HS3ST4: variants seen among roughly 807,000 people sequenced by gnomAD.
HS3ST4 encodes the protein heparan sulfate glucosamine 3-O-sulfotransferase 4.
HS3ST4 carries 17 observed loss-of-function variants against 29.2 expected under a neutral mutation model. The ratio of observed to expected loss-of-function variants is 0.58; its 90% CI spans 0.40 to 0.87. The LOEUF (loss-of-function observed/expected upper bound fraction) is 0.87. Among genes scored for constraint, HS3ST4 ranks in the 40% least tolerant of loss-of-function variants. The pLI, the probability that HS3ST4 is intolerant of heterozygous loss-of-function variation, is 0.00. For missense variants in HS3ST4, 627 were observed against 634.5 expected, an observed-to-expected ratio of 0.99 and a Z score of 0.13; for synonymous variants, 314 against 285.7, an observed-to-expected ratio of 1.10 and a Z score of -1.00.
chr16:25,873,324 TTCCTTCCTTCCTTTC>T (rs1967778974), intron 1 of HS3ST4, among the ~76,000 whole-genome samples: 1 of 50,408 alleles, frequency 2.0e-5, no homozygotes. Flanking sequence ...CCATCCATCC[TTCCTTCCTTCCTTTC>T]ATCCATCTAT....
At chr16:25,862,630 G>A (rs1052732606) in intron 1 of HS3ST4, among the ~76,000 whole-genome samples, 2 of 152,208 alleles carry the variant, frequency 1.3e-5, no homozygotes, top group African/African-American at 4.8e-5. Context: ...TGGCCTGAGG[G>A]TTGGGAACCC....
chr16:25,908,184 G>C (rs1239646591), intron 1 of HS3ST4, among the ~76,000 whole-genome samples: 1 of 152,164 alleles, frequency 6.6e-6, no homozygotes, highest in African/African-American at 2.4e-5. Context: ...GGTCTGCTTG[G>C]CCCTAACGAC....
intron 1 of HS3ST4, among the ~76,000 whole-genome samples, chr16:25,716,664 T>C (rs1297558658): frequency 2.6e-5 from 4 of 152,248 alleles, no homozygotes; most frequent in Non-Finnish European, 5.9e-5. Context: ...ATCTGCCTTC[T>C]CTGTTCCAGG....
intron 1 of HS3ST4, among the ~76,000 whole-genome samples, chr16:25,794,464 T>G (rs1484961919): frequency 6.7e-6 from 1 of 150,344 alleles, no homozygotes; most frequent in African/African-American, 2.4e-5. Context: ...ATGTCCTTAT[T>G]TTTTTTTTTC....
chr16:26,040,601 G>A (rs1211930571), intron 1 of HS3ST4, among the ~76,000 whole-genome samples: 2 of 151,894 alleles, frequency 1.3e-5, no homozygotes, highest in South Asian at 2.1e-4. Flanking sequence ...CACCGCATTC[G>A]GCCTGCTGTC....
intron 1 of HS3ST4, among the ~76,000 whole-genome samples, chr16:25,740,105 T>C (rs1189696977): frequency 6.6e-6 from 1 of 152,188 alleles, no homozygotes; most frequent in African/African-American, 2.4e-5. Flanking sequence ...GATCGTCATC[T>C]GCATCCAGGA....
At chr16:25,907,219 A>G (rs528734810) in intron 1 of HS3ST4, among the ~76,000 whole-genome samples, 1 of 152,200 alleles carries the variant, frequency 6.6e-6, no homozygotes, top group East Asian at 1.9e-4. Context: ...TTAAAATAAA[A>G]AAAGATACTT....
chr16:25,756,475 T>G (rs1966759557), intron 1 of HS3ST4, among the ~76,000 whole-genome samples: 1 of 152,118 alleles, frequency 6.6e-6, no homozygotes, highest in Admixed American at 6.6e-5. Flanking sequence ...CTGGAGGAGT[T>G]GAGAGCAAGG....
chr16:26,130,679 A>AT (rs1899405533), intron 1 of HS3ST4, among the ~76,000 whole-genome samples: 4 of 152,026 alleles, frequency 2.6e-5, no homozygotes, highest in African/African-American at 9.6e-5. Flanking sequence ...ATAAAACACA[A>AT]TTTTTTTTGC....
At chr16:25,941,851 C>T (rs982959478) in intron 1 of HS3ST4, among the ~76,000 whole-genome samples, 15 of 152,216 alleles carry the variant, frequency 9.9e-5, no homozygotes, top group South Asian at 2.1e-4. Flanking sequence ...ACTGGAATTA[C>T]AGGTGTGAGC....
chr16:25,860,033 A>G (rs1239914157), intron 1 of HS3ST4, among the ~76,000 whole-genome samples: 2 of 152,172 alleles, frequency 1.3e-5, no homozygotes, highest in Non-Finnish European at 2.9e-5. Flanking sequence ...CGAGGGATCT[A>G]GGTTGTGAGC....
Position 25,914,758 on chromosome 16 carries a change from C to T in HS3ST4, c.735-220854C>T, listed in dbSNP as rs118034707. On this transcript the variant is annotated intron_variant, in intron 1 of 1. Coordinates refer to ENST00000331351, the MANE Select transcript of HS3ST4 (RefSeq NM_006040.3). ...ATGAGAGCTGAAAGGCAGCGGAGGG[C>T]GGGTCTGGAGCTTGGAGCCTGCTGT... 3.2e-3 allele frequency among the ~76,000 whole-genome samples: 491 copies of T among 151,612 alleles called. 5 individuals are homozygous for T. Among genetic ancestry groups the T allele is most frequent in the South Asian group, 0.031 (151 of 4,802 alleles).
At chr16:25,768,968 T>G (rs1966838151) in intron 1 of HS3ST4, among the ~76,000 whole-genome samples, 1 of 152,158 alleles carries the variant, frequency 6.6e-6, no homozygotes, top group Admixed American at 6.5e-5. Context: ...TCCCTGTTGT[T>G]GACCTTTGGT....
intron 1 of HS3ST4, among the ~76,000 whole-genome samples, chr16:25,888,578 T>C (rs1967977660): frequency 6.6e-6 from 1 of 152,204 alleles, no homozygotes; most frequent in Admixed American, 6.5e-5. Flanking sequence ...AACCTCTCAC[T>C]GAGGGCAGGG....
At chr16:25,771,044 A>G (rs181223689) in intron 1 of HS3ST4, among the ~76,000 whole-genome samples, 3 of 151,854 alleles carry the variant, frequency 2.0e-5, no homozygotes, top group Admixed American at 2.0e-4. Flanking sequence ...ACGTAGGTAT[A>G]CACGTGCCAT....
chr16:25,853,723 A>C (rs1458241477), intron 1 of HS3ST4, among the ~76,000 whole-genome samples: 1 of 152,166 alleles, frequency 6.6e-6, no homozygotes, highest in Non-Finnish European at 1.5e-5. Flanking sequence ...ATCCCACTTC[A>C]TCATGGTTTA....
chr16:25,864,011 T>TACC (rs1158255045), intron 1 of HS3ST4, among the ~76,000 whole-genome samples: 1 of 127,682 alleles, frequency 7.8e-6, no homozygotes, highest in Non-Finnish European at 1.8e-5. Context: ...TCCTGCTGCC[T>TACC]GCCGCCTCTT....
rs1567268982 is a variant in HS3ST4 at position 25,904,152 on chromosome 16, ATGAATGGATGAATGGATGG to A, written c.734+211002_734+211020del. 1.4e-4 allele frequency among the ~76,000 whole-genome samples: 10 copies of A among 71,348 alleles called. No homozygotes were observed. The South Asian group carries it at 1.7e-3, about 12-fold the overall frequency. The allele number at this position is 71,348 out of a possible 152,430, so 46.8% of individuals were successfully genotyped here. ...GATGGATGGATGGATGGATGGATGG[ATGAATGGATGAATGGATGG>A]ATGGATGGATGGACGGATGGACAGA... On this transcript the variant is annotated intron_variant, in intron 1 of 1. Coordinates refer to ENST00000331351, the MANE Select transcript of HS3ST4 (RefSeq NM_006040.3).
intron 1 of HS3ST4, among the ~76,000 whole-genome samples, chr16:26,101,776 T>C (rs1898992836): frequency 1.3e-5 from 2 of 152,224 alleles, no homozygotes; most frequent in African/African-American, 4.8e-5. Flanking sequence ...GATGGATGAA[T>C]CACTTTTTGA....
Sources: allele counts gnomAD v4.1 joint callset (sites outside exome capture counted in the v4.1 genomes callset), GRCh38; gene constraint gnomAD v4.1.1; transcripts MANE v1.5; gene names NCBI Gene and HGNC (gene_info 2026-07-23, HGNC 2026-07-21).